HNF1B: variants seen among roughly 807,000 people sequenced by gnomAD.
HNF1B encodes the protein hepatocyte nuclear factor 1-beta.
In HNF1B, 8 loss-of-function variants were observed where a neutral mutation model predicts 61.7. That is an observed-to-expected ratio of 0.13 (90% CI 0.08 to 0.23). HNF1B has a LOEUF of 0.23. Ranked by LOEUF, HNF1B falls within the 10% of genes least tolerant of loss-of-function variation. The pLI is 1.00. For synonymous variants in HNF1B, 314 were observed against 287.7 expected (o/e 1.09, Z -0.93); for missense variants, 562 against 714.5 (o/e 0.79, Z 2.43).
At chr17:37,722,914 TTTGGGGGCCA>T (rs536768767) in intron 4 of HNF1B, among the ~76,000 whole-genome samples, 182 of 152,148 alleles carry the variant, frequency 1.2e-3, no homozygotes, top group African/African-American at 4.1e-3. Flanking sequence ...TCGCCTGACG[TTTGGGGGCCA>T]TTAAGCTTCC....
rs2032559501 is a variant in HNF1B at position 37,701,180 on chromosome 17, G to A, written c.1340-3C>T. ...CTGTGCTTGGGAGGTGTTGAGGCCT[G>A]TGGGAGCAAGAGGAAAAGATCACAG... On this transcript the variant is annotated splice_region_variant and splice_polypyrimidine_tract_variant and intron_variant, in intron 6 of 8. Coordinates refer to ENST00000617811, the MANE Select transcript of HNF1B (RefSeq NM_000458.4). The A allele has an allele frequency of 2.6e-6, 4 of 1,550,662 alleles. No homozygotes were observed. The highest frequency in any genetic ancestry group is 3.5e-6 in the Non-Finnish European group (4 of 1,147,046).
At chr17:37,735,670 A>G (rs2033812068) in intron 2 of HNF1B, among the ~76,000 whole-genome samples, 1 of 152,226 alleles carries the variant, frequency 6.6e-6, no homozygotes. Context: ...AATGAGACTG[A>G]CTGAAAGCTT....
At chr17:37,720,899 A>C (rs2033292056) in intron 4 of HNF1B, 1 of 985,340 alleles carries the variant, frequency 1.0e-6, no homozygotes, top group Admixed American at 6.1e-5. Context: ...GGTTGTAGAC[A>C]ATGAAGAAGA....
At chr17:37,717,407 C>T (rs2147496481) in intron 4 of HNF1B, among the ~76,000 whole-genome samples, 1 of 152,310 alleles carries the variant, frequency 6.6e-6, no homozygotes, top group East Asian at 1.9e-4. Context: ...CAGAGTGCAG[C>T]CCAGCCCTGT....
intron 2 of HNF1B, among the ~76,000 whole-genome samples, chr17:37,735,491 C>T (rs981407370): frequency 5.9e-5 from 9 of 152,148 alleles, no homozygotes; most frequent in Non-Finnish European, 1.0e-4. Flanking sequence ...GGCCCATTCA[C>T]CTTGGAGGAT....
rs1312923761 is a variant in HNF1B, at chr17:37,733,553, T to G, written c.809+4A>C. On this transcript the variant is annotated splice_donor_region_variant and intron_variant, in intron 3 of 8. Coordinates refer to ENST00000617811, the MANE Select transcript of HNF1B (RefSeq NM_000458.4). Reference sequence around the variant, plus strand: ...CTGCCCAGGTGAGCTTCTGGTGGTGTTACCTGTTGCATTCCTCCACTAAGG... The same window carrying G: ...CTGCCCAGGTGAGCTTCTGGTGGTGGTACCTGTTGCATTCCTCCACTAAGG... 2 of 1,614,166 alleles carry G rather than the reference T, an allele frequency of 1.2e-6. No individual in the cohort carries two copies. The highest frequency in any genetic ancestry group is 3.3e-5 in the Admixed American group (2 of 60,020).
At chr17:37,718,445 A>C (rs2033196395) in intron 4 of HNF1B, among the ~76,000 whole-genome samples, 1 of 152,224 alleles carries the variant, frequency 6.6e-6, no homozygotes, top group Non-Finnish European at 1.5e-5. Flanking sequence ...ATCTGAGAGT[A>C]TGTTACACCC....
At chr17:37,687,526 G>C in intron 8 of HNF1B, 134 bp from the exon 9 acceptor site, 1 of 752,838 alleles carries the variant, frequency 1.3e-6, no homozygotes, top group Middle Eastern at 2.8e-4. Flanking sequence ...TGGGGGCCTC[G>C]TGTCTGCTCA....
rs571805143 is a variant in HNF1B at position 37,687,264 on chromosome 17, G to A, written c.*108C>T. 49 of 1,580,552 alleles carry A rather than the reference G, an allele frequency of 3.1e-5. No individual in the cohort carries two copies. Among genetic ancestry groups the A allele is most frequent in the Middle Eastern group, 3.4e-4 (2 of 5,968 alleles). ...TCCGTCAGGTAAGCAGGGACCTCTC[G>A]CAGGTGCTGGTCAGGTCACTGGGCT... On this transcript the variant is annotated 3_prime_UTR_variant, in exon 9 of 9. Coordinates refer to ENST00000617811, the MANE Select transcript of HNF1B (RefSeq NM_000458.4).
chr17:37,686,823 G>A lies in HNF1B; in HGVS notation c.*549C>T, dbSNP rs1568627846. 1.9e-5 allele frequency: 5 copies of A among 257,450 alleles called. 1 individual carries two copies. Among genetic ancestry groups the A allele is most frequent in the Non-Finnish European group, 3.8e-5 (5 of 131,336 alleles). The allele number at this position is 257,450 out of a possible 1,614,324, so 15.9% of individuals were successfully genotyped here. A position where few individuals can be genotyped will look rare whatever the true frequency, so the allele number is the denominator to read the frequency against. On this transcript the variant is annotated 3_prime_UTR_variant, in exon 9 of 9. Transcript: ENST00000617811. ...ATAGACACTTTAGTATTATATACAG[G>A]GCAGAGGGGAGAGGACACAGAGGGG... is the stretch of plus-strand genomic sequence containing the variant.
rs144448051 is a variant in HNF1B, at chr17:37,737,238, C to T, written c.544+2202G>A. Among the ~76,000 whole-genome samples, 756 of 152,296 alleles carry T rather than the reference C, an allele frequency of 5.0e-3. 10 individuals carry two copies. Among genetic ancestry groups the T allele is most frequent in the Admixed American group, 5.8e-3 (89 of 15,300 alleles). Reference sequence around the variant, plus strand: ...TCATGCTTGCATGTCTTACATTCATCCTTCAAGACATGATTTGAATGTCAC... The same window carrying T: ...TCATGCTTGCATGTCTTACATTCATTCTTCAAGACATGATTTGAATGTCAC... On this transcript the variant is annotated intron_variant, in intron 2 of 8. Transcript: ENST00000617811.
intron 5 of HNF1B, among the ~76,000 whole-genome samples, chr17:37,708,479 G>A (rs570499970): frequency 6.6e-6 from 1 of 152,294 alleles, no homozygotes; most frequent in African/African-American, 2.4e-5. Context: ...CCTGGGTGAG[G>A]CAGCTTGCCT....
chr17:37,709,409 C>A (rs576799783), intron 5 of HNF1B, among the ~76,000 whole-genome samples: 14 of 151,736 alleles, frequency 9.2e-5, no homozygotes, highest in African/African-American at 3.2e-4. Flanking sequence ...GCCACCATTC[C>A]TGGCTAATTT....
intron 8 of HNF1B, among the ~76,000 whole-genome samples, chr17:37,697,260 C>A (rs1338083730): frequency 1.3e-5 from 2 of 152,178 alleles, no homozygotes; most frequent in African/African-American, 4.8e-5. Flanking sequence ...ATTTTTCATC[C>A]TTACTGAGTG....
intron 6 of HNF1B, 79 bp from the exon 7 acceptor site, chr17:37,701,256 G>T: frequency 1.5e-6 from 2 of 1,370,872 alleles, no homozygotes; most frequent in Non-Finnish European, 2.0e-6. Context: ...TTGAGCCCCC[G>T]CTCAATGTCC....
chr17:37,724,714 C>T (rs2033435671), intron 4 of HNF1B, among the ~76,000 whole-genome samples: 1 of 152,152 alleles, frequency 6.6e-6, no homozygotes, highest in South Asian at 2.1e-4. Flanking sequence ...TACAAAGGCA[C>T]AGTTGAGTAA....
intron 4 of HNF1B, chr17:37,729,838 C>T (rs1214627679): frequency 6.6e-6 from 1 of 152,238 alleles, no homozygotes; most frequent in Non-Finnish European, 1.5e-5. Context: ...TTCAAATTCC[C>T]TCCAAATTCT....
chr17:37,735,977 C>T (rs909128070), intron 2 of HNF1B, among the ~76,000 whole-genome samples: 1 of 152,208 alleles, frequency 6.6e-6, no homozygotes, highest in African/African-American at 2.4e-5. Flanking sequence ...GTTGCCCAAG[C>T]TGGTCTCAGA....
intron 1 of HNF1B, among the ~76,000 whole-genome samples, chr17:37,744,110 G>A (rs921959970): frequency 2.0e-5 from 3 of 152,248 alleles, no homozygotes; most frequent in African/African-American, 7.2e-5. Context: ...CCGACATGCG[G>A]CTTTCCAGAC....
Sources: allele counts gnomAD v4.1 joint callset (sites outside exome capture counted in the v4.1 genomes callset), GRCh38; gene constraint gnomAD v4.1.1; transcripts MANE v1.5; gene names NCBI Gene and HGNC (gene_info 2026-07-23, HGNC 2026-07-21).